Variants in NAV3 observed in about 807,000 individuals in gnomAD.
The protein encoded by NAV3 is neuron navigator 3.
A neutral mutation model predicts 244.7 loss-of-function variants in NAV3; 87 were observed. That is an observed-to-expected ratio of 0.36 (90% CI 0.30 to 0.42). The LOEUF is 0.42. NAV3 is among the 20% of genes least tolerant of loss of function. The pLI is 1.00. For missense variants in NAV3, 2,663 were observed against 2,893.3 expected (o/e 0.92, Z 1.83); for synonymous variants, 1,126 against 1,042.2 (o/e 1.08, Z -1.55).
At chr12:77,740,094 C>A (rs1165518938) in intron 2 of NAV3, among the ~76,000 whole-genome samples, 1 of 152,120 alleles carries the variant, frequency 6.6e-6, no homozygotes, top group East Asian at 1.9e-4. Flanking sequence ...GTTGGCAATT[C>A]TTTCAATTGT....
intron 12 of NAV3, among the ~76,000 whole-genome samples, chr12:78,080,544 A>G (rs1953293906): frequency 6.6e-6 from 1 of 152,212 alleles, no homozygotes; most frequent in Non-Finnish European, 1.5e-5. Flanking sequence ...ACAGAAACTC[A>G]TTAACACAGT....
intron 12 of NAV3, among the ~76,000 whole-genome samples, chr12:78,082,187 G>C (rs1953390587): frequency 6.6e-6 from 1 of 152,166 alleles, no homozygotes; most frequent in Non-Finnish European, 1.5e-5. Flanking sequence ...CCATGATTGT[G>C]AGGCCTCCCC....
At chr12:78,186,582 A>G (rs923614859) in intron 31 of NAV3, among the ~76,000 whole-genome samples, 39 of 151,934 alleles carry the variant, frequency 2.6e-4, no homozygotes, top group Admixed American at 6.6e-4. Context: ...GCAGCTTTTT[A>G]TAAGGTATTG....
At chr12:77,752,833 A>C (rs537106190) in intron 2 of NAV3, among the ~76,000 whole-genome samples, 1 of 152,154 alleles carries the variant, frequency 6.6e-6, no homozygotes, top group East Asian at 1.9e-4. Context: ...AAAAAATACA[A>C]CTACGTGACA....
At chr12:78,116,281 A>G (rs1356658683) in intron 12 of NAV3, among the ~76,000 whole-genome samples, 2 of 152,200 alleles carry the variant, frequency 1.3e-5, no homozygotes, top group Non-Finnish European at 2.9e-5. Context: ...TCAAAGAATA[A>G]TGAGACTCAT....
chr12:77,595,836 A>G (rs867787255), intron 2 of NAV3, among the ~76,000 whole-genome samples: 1 of 152,200 alleles, frequency 6.6e-6, no homozygotes, highest in African/African-American at 2.4e-5. Flanking sequence ...AAAAATATGA[A>G]GTATATTTGC....
intron 8 of NAV3, among the ~76,000 whole-genome samples, chr12:78,012,234 T>C (rs1593275161): frequency 6.6e-6 from 1 of 152,074 alleles, no homozygotes; most frequent in East Asian, 1.9e-4. Flanking sequence ...CAATCAGACT[T>C]TCTTTCCATT....
At chr12:78,108,887 G>A (rs1183196041) in intron 12 of NAV3, among the ~76,000 whole-genome samples, 1 of 151,876 alleles carries the variant, frequency 6.6e-6, no homozygotes, top group Non-Finnish European at 1.5e-5. Flanking sequence ...ACCTAACAAT[G>A]TGCCTGAAGA....
chr12:77,786,988 A>G (rs578047591), intron 2 of NAV3, among the ~76,000 whole-genome samples: 2 of 152,092 alleles, frequency 1.3e-5, no homozygotes, highest in Non-Finnish European at 2.9e-5. Flanking sequence ...ATTAATTACT[A>G]TAAGTTCGTT....
chr12:77,669,751 T>C (rs941518171), intron 2 of NAV3, among the ~76,000 whole-genome samples: 1 of 152,038 alleles, frequency 6.6e-6, no homozygotes, highest in African/African-American at 2.4e-5. Flanking sequence ...ACAATAATAG[T>C]AGGGGACTTT....
chr12:77,944,318 C>T (rs1323866042), intron 3 of NAV3, among the ~76,000 whole-genome samples: 1 of 152,016 alleles, frequency 6.6e-6, no homozygotes, highest in Non-Finnish European at 1.5e-5. Context: ...AAAGATCACC[C>T]TAGATGCTTT....
At chr12:77,751,789 C>T (rs534801745) in intron 2 of NAV3, among the ~76,000 whole-genome samples, 2 of 152,138 alleles carry the variant, frequency 1.3e-5, no homozygotes, top group Admixed American at 1.3e-4. Flanking sequence ...TTAAATTACA[C>T]AATACAATTT....
At position 77,966,554 on chromosome 12, in the gene NAV3, AT is replaced by A. The variant is rs376204124; in HGVS notation, c.487+254del. Among the ~76,000 whole-genome samples, 467 of 152,254 alleles carry A rather than the reference AT, an allele frequency of 3.1e-3. 5 individuals carry two copies. The highest frequency in any genetic ancestry group is 0.01 in the African/African-American group (420 of 41,570). On this transcript the variant is annotated intron_variant, in intron 4 of 39. Coordinates refer to ENST00000397909, the MANE Select transcript of NAV3 (RefSeq NM_001024383.2). The stretch of plus-strand genomic sequence containing the variant: ...TATGGGAGAGGAGTGAATCAAAAAA[AT>A]ATCTTTATGTTATTACTAGTTTATA...
intron 12 of NAV3, among the ~76,000 whole-genome samples, chr12:78,066,473 T>G (rs1192519517): frequency 6.6e-6 from 1 of 152,032 alleles, no homozygotes; most frequent in Non-Finnish European, 1.5e-5. Flanking sequence ...GATGGCAAAA[T>G]GAATCTCAAA....
intron 3 of NAV3, among the ~76,000 whole-genome samples, chr12:77,945,464 G>T (rs1303759821): frequency 6.6e-6 from 1 of 152,102 alleles, no homozygotes; most frequent in African/African-American, 2.4e-5. Context: ...AAGGATTATG[G>T]CCGGAACAGG....
chr12:77,947,063 G>A (rs1377024750), intron 3 of NAV3, among the ~76,000 whole-genome samples: 1 of 152,002 alleles, frequency 6.6e-6, no homozygotes, highest in Non-Finnish European at 1.5e-5. Flanking sequence ...TTCAACCTAA[G>A]GTTTTAGTAT....
Position 77,972,423 on chromosome 12 carries a change from A to G in NAV3, c.671+3721A>G, listed in dbSNP as rs535578198. Among the ~76,000 whole-genome samples, 14 of 152,294 alleles carry G rather than the reference A, an allele frequency of 9.2e-5. No homozygotes were observed. In the South Asian group the frequency reaches 2.7e-3, roughly 29 times the overall value. Reference sequence around the variant, plus strand: ...ATTCTTTAAAATTTAAATATATTTGATATGAAAATTAGATTTTATCTATGT... The same window carrying G: ...ATTCTTTAAAATTTAAATATATTTGGTATGAAAATTAGATTTTATCTATGT... On this transcript the variant is annotated intron_variant, in intron 5 of 39. Transcript: ENST00000397909.
intron 2 of NAV3, among the ~76,000 whole-genome samples, chr12:77,585,402 T>C (rs1048879444): frequency 3.9e-5 from 6 of 152,196 alleles, no homozygotes; most frequent in Non-Finnish European, 7.4e-5. Flanking sequence ...AGCAGCCTTC[T>C]AGGAAAATTT....
At chr12:78,092,491 CTTTTTT>C (rs71088358) in intron 12 of NAV3, among the ~76,000 whole-genome samples, 10 of 64,026 alleles carry the variant, frequency 1.6e-4, no homozygotes, top group South Asian at 6.1e-4. Flanking sequence ...TAGTTATTTT[CTTTTTT>C]TTTTTTTTTT....
Sources: gnomAD v4.1 joint callset for allele counts (sites outside exome capture counted in the v4.1 genomes callset) on GRCh38, gnomAD v4.1.1 for gene constraint, MANE v1.5 for transcripts, NCBI Gene and HGNC (gene_info 2026-07-23, HGNC 2026-07-21) for gene names.